Variants in SDK1 observed in about 807,000 individuals in gnomAD.
SDK1 encodes the protein sidekick cell adhesion molecule 1.
In SDK1, 157 loss-of-function variants were observed where a neutral mutation model predicts 245.5. The ratio of observed to expected loss-of-function variants is 0.64; its 90% CI spans 0.56 to 0.73. SDK1 has a LOEUF of 0.73. Among genes scored for constraint, SDK1 ranks in the 30% least tolerant of loss-of-function variants. The pLI, the probability that SDK1 is intolerant of heterozygous loss-of-function variation, is 0.00. For synonymous variants in SDK1, 1,647 were observed against 1,278.5 expected (o/e 1.29, Z -6.15); for missense variants, 3,583 against 3,002.3 (o/e 1.19, Z -4.52).
At chr7:4,201,614 G>T (rs1056814814) in intron 35 of SDK1, among the ~76,000 whole-genome samples, 7 of 152,240 alleles carry the variant, frequency 4.6e-5, no homozygotes, top group African/African-American at 1.7e-4. Context: ...GTCCAGTACT[G>T]CTCTAGCCAC....
chr7:3,659,615 T>C (rs925125526), intron 4 of SDK1, among the ~76,000 whole-genome samples: 7 of 152,134 alleles, frequency 4.6e-5, no homozygotes, highest in Non-Finnish European at 7.4e-5. Flanking sequence ...GTTTTGTCTG[T>C]GGAAACGAGT....
intron 5 of SDK1, among the ~76,000 whole-genome samples, chr7:3,867,466 C>G (rs999780524): frequency 2.0e-5 from 3 of 152,166 alleles, no homozygotes; most frequent in Non-Finnish European, 4.4e-5. Context: ...AATGGACTCA[C>G]AGTGTCATAT....
intron 22 of SDK1, among the ~76,000 whole-genome samples, chr7:4,096,116 C>G (rs550888019): frequency 6.6e-6 from 1 of 152,326 alleles, no homozygotes; most frequent in African/African-American, 2.4e-5. Flanking sequence ...TTGCTTTCCT[C>G]TCTTCAAAAG....
intron 5 of SDK1, among the ~76,000 whole-genome samples, chr7:3,858,725 C>T (rs987082886): frequency 1.3e-5 from 2 of 151,388 alleles, no homozygotes; most frequent in African/African-American, 4.9e-5. Flanking sequence ...ATTTCCCTAT[C>T]AGGTGTCAAA....
At position 4,180,353 on chromosome 7, in the gene SDK1, C is replaced by CGGCTCCAGCTCTATGCCCAGCGCCT. The variant is rs1562398708; in HGVS notation, c.5098+1817_5098+1841dup. 7.4e-5 allele frequency among the ~76,000 whole-genome samples: 11 copies of CGGCTCCAGCTCTATGCCCAGCGCCT among 148,706 alleles called. No homozygotes were observed. In the East Asian group the frequency reaches 1.0e-3, roughly 14 times the overall value. ...CGGCTCCAGCTCTATGCCCAGCACC[C>CGGCTCCAGCTCTATGCCCAGCGCCT]GGCTCCAGCTCTATGCCCAGCGCCT... On this transcript the variant is annotated intron_variant, in intron 35 of 44. Coordinates refer to ENST00000404826, the MANE Select transcript of SDK1 (RefSeq NM_152744.4).
intron 17 of SDK1, among the ~76,000 whole-genome samples, chr7:4,031,162 T>C (rs1787789628): frequency 6.6e-6 from 1 of 151,946 alleles, no homozygotes; most frequent in South Asian, 2.1e-4. Flanking sequence ...TAAGTATACA[T>C]AGATATGTTC....
At chr7:3,504,518 C>T (rs916204187) in intron 1 of SDK1, among the ~76,000 whole-genome samples, 1 of 151,982 alleles carries the variant, frequency 6.6e-6, no homozygotes, top group Non-Finnish European at 1.5e-5. Flanking sequence ...ATTTAATAGT[C>T]AATTGATTTT....
At chr7:3,633,951 C>G (rs1382641907) in intron 2 of SDK1, among the ~76,000 whole-genome samples, 1 of 152,102 alleles carries the variant, frequency 6.6e-6, no homozygotes, top group African/African-American at 2.4e-5. Context: ...ACTGGACACT[C>G]CCCTACTCCC....
intron 5 of SDK1, among the ~76,000 whole-genome samples, chr7:3,878,294 G>C (rs1781122201): frequency 1.3e-5 from 2 of 152,184 alleles, no homozygotes; most frequent in Admixed American, 1.3e-4. Context: ...GCCGAGACGG[G>C]TGGATCACGA....
chr7:3,321,778 CTCCTTCCTTCCTTCCT>C (rs1186428883), intron 1 of SDK1, among the ~76,000 whole-genome samples: 4,736 of 50,216 alleles, frequency 0.094, 259 homozygotes, highest in African/African-American at 0.15. Context: ...TTCCTTCCTT[CTCCTTCCTTCCTTCCT>C]TCCTTCCTTC....
intron 35 of SDK1, among the ~76,000 whole-genome samples, chr7:4,186,388 AT>A (rs1460345129): frequency 2.6e-5 from 4 of 152,154 alleles, no homozygotes; most frequent in African/African-American, 9.7e-5. Flanking sequence ...CACCTTTGTT[AT>A]CCCCAGGGTC....
chr7:3,374,811 A>C (rs1483424041), intron 1 of SDK1, among the ~76,000 whole-genome samples: 1 of 152,138 alleles, frequency 6.6e-6, no homozygotes, highest in Non-Finnish European at 1.5e-5. Flanking sequence ...ATTTTTCAGA[A>C]TTGATTAGGT....
intron 2 of SDK1, among the ~76,000 whole-genome samples, chr7:3,620,083 G>C (rs1781889285): frequency 6.6e-6 from 1 of 152,172 alleles, no homozygotes; most frequent in Non-Finnish European, 1.5e-5. Flanking sequence ...TTCTTTAGAT[G>C]AAATAAGAAA....
chr7:4,234,784 A>T (rs973765252), intron 41 of SDK1, among the ~76,000 whole-genome samples: 1 of 152,280 alleles, frequency 6.6e-6, no homozygotes, highest in East Asian at 1.9e-4. Flanking sequence ...GCTGCAAGCC[A>T]GGGCGCTGGG....
At chr7:3,618,620 T>A (rs1346249877) in intron 1 of SDK1, among the ~76,000 whole-genome samples, 2 of 152,246 alleles carry the variant, frequency 1.3e-5, no homozygotes, top group Non-Finnish European at 2.9e-5. Flanking sequence ...GAAAGCTAGG[T>A]TGCGATTCAT....
chr7:3,467,721 A>G (rs1191089068), intron 1 of SDK1, among the ~76,000 whole-genome samples: 1 of 152,120 alleles, frequency 6.6e-6, no homozygotes, highest in Non-Finnish European at 1.5e-5. Flanking sequence ...TTGTATTACA[A>G]ATTGAGATAA....
intron 20 of SDK1, among the ~76,000 whole-genome samples, chr7:4,069,968 C>T (rs541663966): frequency 1.3e-5 from 2 of 152,194 alleles, no homozygotes; most frequent in African/African-American, 4.8e-5. Context: ...GAACCATGCT[C>T]TGAACCCCAC....
chr7:3,541,778 C>T (rs118166610), intron 1 of SDK1, among the ~76,000 whole-genome samples: 2 of 152,284 alleles, frequency 1.3e-5, no homozygotes, highest in East Asian at 3.9e-4. Flanking sequence ...CACCCCAATG[C>T]ATGACTTAGG....
At chr7:4,063,605 A>AAAAAAAAAAAAAAAAAAAAAAAC (rs1316706124) in intron 19 of SDK1, among the ~76,000 whole-genome samples, 1 of 151,366 alleles carries the variant, frequency 6.6e-6, no homozygotes, top group African/African-American at 2.4e-5. Context: ...AGCAAAAAAA[A>AAAAAAAAAAAAAAAAAAAAAAAC]AAAACAAAAA....
Sources: gnomAD v4.1 joint callset for allele counts (sites outside exome capture counted in the v4.1 genomes callset) on GRCh38, gnomAD v4.1.1 for gene constraint, MANE v1.5 for transcripts, NCBI Gene and HGNC (gene_info 2026-07-23, HGNC 2026-07-21) for gene names.